BCAS3: variants seen among roughly 807,000 people sequenced by gnomAD.
The protein encoded by BCAS3 is BCAS4/BCAS3 fusion.
Under a neutral mutation model 116.1 loss-of-function variants are expected in BCAS3, and 53 were observed. The observed-to-expected ratio is 0.46, with a 90% CI of 0.37 to 0.57. BCAS3 has a LOEUF of 0.57. Ranked by LOEUF, BCAS3 falls within the 20% of genes least tolerant of loss-of-function variation. BCAS3 has a pLI of 0.00. For synonymous variants in BCAS3, 391 were observed against 408.2 expected (o/e 0.96, Z 0.51); for missense variants, 917 against 1,165.4 (o/e 0.79, Z 3.10).
rs2053515206 is a variant in BCAS3, at chr17:61,302,275, C to T, written c.2426-66052C>T. On this transcript the variant is annotated intron_variant, in intron 22 of 23. Transcript: ENST00000407086. This position sits in a 1 kb window ranked among gnomAD's most constrained non-coding sequence, Gnocchi z 4.4. ...CATCAGAATGTACCACGGAATCTGA[C>T]TTTGCCATTTGTGTGGCTATGATGT... Among the ~76,000 whole-genome samples, 1 of 152,174 alleles carries T rather than the reference C, an allele frequency of 6.6e-6. No homozygotes were observed. Among genetic ancestry groups the T allele is most frequent in the African/African-American group, 2.4e-5 (1 of 41,436 alleles).
chr17:60,858,301 C>T (rs1287843803), intron 7 of BCAS3, among the ~76,000 whole-genome samples: 4 of 152,072 alleles, frequency 2.6e-5, no homozygotes, highest in African/African-American at 4.8e-5. Context: ...AAAAGTTTCT[C>T]GTGCCACTTT....
Position 61,309,608 on chromosome 17 carries a change from C to T in BCAS3, c.2426-58719C>T, listed in dbSNP as rs904470994. ...CCCTGAGAAAGAACAGTTTCTATCT[C>T]GAGTATTGCCTCCTTTCCTGAAGCG... On this transcript the variant is annotated intron_variant, in intron 22 of 23. Transcript: ENST00000407086. This position sits in a 1 kb window ranked among gnomAD's most constrained non-coding sequence, Gnocchi z 4.6. 2.6e-5 allele frequency among the ~76,000 whole-genome samples: 4 copies of T among 152,258 alleles called. No homozygotes were observed. Among genetic ancestry groups the T allele is most frequent in the Middle Eastern group, 3.4e-3 (1 of 294 alleles).
In BCAS3 at chr17:61,196,936, C is replaced by G. The variant is rs1278612061; in HGVS notation, c.2425+112372C>G. On this transcript the variant is annotated intron_variant, in intron 22 of 23. Coordinates refer to ENST00000407086, the MANE Select transcript of BCAS3 (RefSeq NM_017679.5). This position sits in a 1 kb window ranked among gnomAD's most constrained non-coding sequence, Gnocchi z 4.7. ...CTCCCAAACACTTATGTAGAACATTCAATGCTAGAGAAGATAATAATTGTG... is the reference window on the plus strand; with the variant it reads ...CTCCCAAACACTTATGTAGAACATTGAATGCTAGAGAAGATAATAATTGTG... 6.6e-6 allele frequency among the ~76,000 whole-genome samples: 1 copy of G among 152,146 alleles called. No homozygotes were observed. The highest frequency in any genetic ancestry group is 1.9e-4 in the East Asian group (1 of 5,196).
At chr17:60,777,481 C>T (rs1331432218) in intron 6 of BCAS3, among the ~76,000 whole-genome samples, 1 of 151,868 alleles carries the variant, frequency 6.6e-6, no homozygotes, top group Non-Finnish European at 1.5e-5. Flanking sequence ...AAAAAATGGG[C>T]CGGGTGTGGT....
chr17:60,767,365 G>A (rs1568205214), intron 6 of BCAS3, among the ~76,000 whole-genome samples: 1 of 107,618 alleles, frequency 9.3e-6, no homozygotes, highest in Admixed American at 1.1e-4. Flanking sequence ...TTTTTTTTGA[G>A]TTGGAGTCTT....
chr17:60,830,881 TG>T (rs1243082543), intron 7 of BCAS3, among the ~76,000 whole-genome samples: 24 of 151,988 alleles, frequency 1.6e-4, no homozygotes, highest in African/African-American at 4.3e-4. Context: ...AACATCCTTT[TG>T]TTTTTTTAAG....
intron 15 of BCAS3, among the ~76,000 whole-genome samples, chr17:61,014,026 C>CG (rs895291293): frequency 4.0e-5 from 6 of 151,850 alleles, no homozygotes; most frequent in African/African-American, 1.2e-4. Context: ...TTAGGACTTT[C>CG]GGGGGGGATG....
chr17:60,876,205 C>T lies in BCAS3; in HGVS notation c.661+1467C>T, dbSNP rs1477768247. On this transcript the variant is annotated intron_variant, in intron 9 of 23. Transcript: ENST00000407086. ...AATGAAACTCCCAAGGTTTTTGATA[C>T]ACCAAAACCTTCTTTATGAAAGTTT... Among the ~76,000 whole-genome samples, 5 of 152,132 alleles carry T rather than the reference C, an allele frequency of 3.3e-5. No homozygotes were observed. The East Asian group carries it at 9.7e-4, about 29-fold the overall frequency.
chr17:61,293,556 C>G (rs556062996), intron 22 of BCAS3, among the ~76,000 whole-genome samples: 50 of 152,276 alleles, frequency 3.3e-4, no homozygotes, highest in African/African-American at 1.1e-3. Context: ...AGAACAAGGT[C>G]TTCATATTCT....
rs2054305038 is a variant in BCAS3, at chr17:61,311,544, T to A, written c.2426-56783T>A. ...GTTTGGAGAAATTAGTATGTACTAA[T>A]TTCTAGGCTGCTTGAAGAACTTGGG... On this transcript the variant is annotated intron_variant, in intron 22 of 23. Coordinates refer to ENST00000407086, the MANE Select transcript of BCAS3 (RefSeq NM_017679.5). Among the ~76,000 whole-genome samples the A allele has an allele frequency of 3.9e-5, 6 of 152,216 alleles. No individual in the cohort carries two copies. In the South Asian group the frequency reaches 1.2e-3, roughly 31 times the overall value.
chr17:60,937,521 A>G (rs954149862), intron 13 of BCAS3, among the ~76,000 whole-genome samples: 2 of 152,140 alleles, frequency 1.3e-5, no homozygotes, highest in African/African-American at 4.8e-5. Flanking sequence ...TTATTTATGT[A>G]TGTACCTCTC....
intron 22 of BCAS3, among the ~76,000 whole-genome samples, chr17:61,090,648 CTTCT>C (rs890017679): frequency 1.6e-4 from 25 of 151,984 alleles, no homozygotes; most frequent in Middle Eastern, 3.4e-3. Flanking sequence ...TCCTCTTATT[CTTCT>C]TTCTTTCTTT....
intron 5 of BCAS3, among the ~76,000 whole-genome samples, chr17:60,721,242 G>C (rs2039206416): frequency 1.3e-5 from 2 of 152,060 alleles, no homozygotes; most frequent in African/African-American, 4.8e-5. Context: ...GAAGTCCAGT[G>C]AAAAAAATTG....
chr17:61,231,107 CT>C (rs1376351724), intron 22 of BCAS3, among the ~76,000 whole-genome samples: 1 of 151,800 alleles, frequency 6.6e-6, no homozygotes, highest in East Asian at 1.9e-4. Flanking sequence ...CCTGACCTGA[CT>C]TTTTAATAAT....
Position 61,213,740 on chromosome 17 carries a change from G to A in BCAS3, c.2425+129176G>A, listed in dbSNP as rs1297208466. On this transcript the variant is annotated intron_variant, in intron 22 of 23. Coordinates refer to ENST00000407086, the MANE Select transcript of BCAS3 (RefSeq NM_017679.5). This position sits in a 1 kb window ranked among gnomAD's most constrained non-coding sequence, Gnocchi z 5.4. ...GATGTACATTTAACTGCAGAGACTG[G>A]ATTAGAACACACACATTCAGAATTT... Among the ~76,000 whole-genome samples the A allele has an allele frequency of 6.6e-6, 1 of 152,078 alleles. No individual in the cohort carries two copies. The highest frequency in any genetic ancestry group is 1.5e-5 in the Non-Finnish European group (1 of 68,036).
intron 14 of BCAS3, among the ~76,000 whole-genome samples, chr17:60,950,901 C>T (rs576792909): frequency 1.3e-5 from 2 of 152,244 alleles, no homozygotes; most frequent in South Asian, 2.1e-4. Context: ...ATTTATTGTT[C>T]GTTTTCAAAA....
intron 7 of BCAS3, among the ~76,000 whole-genome samples, chr17:60,858,081 A>C (rs2053834868): frequency 6.6e-6 from 1 of 152,024 alleles, no homozygotes. Context: ...GGTCAGGCAA[A>C]ATGTTAGATT....
rs1357655982 is a variant in BCAS3 at position 61,349,283 on chromosome 17, C to T, written c.2426-19044C>T. The stretch of plus-strand genomic sequence containing the variant: ...TTTCCAACTGCACAAATCACACCCC[C>T]ACTCTCCCACCCTACACCCTAATAC... On this transcript the variant is annotated intron_variant, in intron 22 of 23. Coordinates refer to ENST00000407086, the MANE Select transcript of BCAS3 (RefSeq NM_017679.5). This position sits in a 1 kb window ranked among gnomAD's most constrained non-coding sequence, Gnocchi z 4.7. Among the ~76,000 whole-genome samples the T allele has an allele frequency of 1.3e-5, 2 of 152,162 alleles. No homozygotes were observed. The highest frequency in any genetic ancestry group is 4.8e-5 in the African/African-American group (2 of 41,430).
chr17:60,852,134 GTTTT>G (rs201461939), intron 7 of BCAS3, among the ~76,000 whole-genome samples: 1 of 146,678 alleles, frequency 6.8e-6, no homozygotes, highest in Non-Finnish European at 1.5e-5. Flanking sequence ...TATTCCCGTG[GTTTT>G]TTTTTTTATT....
Sources: gnomAD v4.1 joint callset for allele counts (sites outside exome capture counted in the v4.1 genomes callset) on GRCh38, gnomAD v4.1.1 for gene constraint, Gnocchi (gnomAD v3.1) non-coding constraint, MANE v1.5 for transcripts, NCBI Gene and HGNC (gene_info 2026-07-23, HGNC 2026-07-21) for gene names.